CFAP36: variants seen among roughly 807,000 people sequenced by gnomAD.
CFAP36 encodes cilia- and flagella-associated protein 36.
Under a neutral mutation model 50.5 loss-of-function variants are expected in CFAP36, and 37 were observed. That is an observed-to-expected ratio of 0.73 (90% CI 0.56 to 0.96). The LOEUF (loss-of-function observed/expected upper bound fraction) is 0.96, where lower values mean the gene tolerates loss of function less well. Among genes scored for constraint, CFAP36 ranks in the 50% least tolerant of loss-of-function variants. The probability of loss-of-function intolerance (pLI) is 0.00; values close to 1 mark genes in which losing one functional copy is unlikely to be tolerated. For synonymous variants in CFAP36, 138 were observed against 128.2 expected (o/e 1.08, Z -0.52); for missense variants, 407 against 396.2 (o/e 1.03, Z -0.23).
intron 7 of CFAP36, among the ~76,000 whole-genome samples, chr2:55,538,506 C>T (rs551957162): frequency 1.3e-5 from 2 of 152,100 alleles, no homozygotes; most frequent in East Asian, 3.9e-4. Context: ...GTTGGTCAGG[C>T]TGGTCTCGAA....
At chr2:55,523,900 T>G in intron 3 of CFAP36, 78 bp downstream of exon 3, 2 of 858,768 alleles carry the variant, frequency 2.3e-6, no homozygotes, top group Non-Finnish European at 3.6e-6. Context: ...AATTTGAATG[T>G]TTGATTGACA....
chr2:55,544,736 C>T (rs1387687809), intron 9 of CFAP36, among the ~76,000 whole-genome samples, 171 bp from the exon 10 acceptor site: 1 of 152,114 alleles, frequency 6.6e-6, no homozygotes. Context: ...GAGGGGTTCT[C>T]CAAGAAGAGA....
At position 55,544,992 on chromosome 2, in the gene CFAP36, A is replaced by T. The variant is rs752098505; in HGVS notation, c.1013A>T (p.Glu338Val). ...RRLLAEKLKE[E>V]VINK Reference sequence around the variant, plus strand: ...TTGCTTGCAGAGAAACTCAAAGAAGAAGTTATTAATAAGTAATAATTAAGA... The same window carrying T: ...TTGCTTGCAGAGAAACTCAAAGAAGTAGTTATTAATAAGTAATAATTAAGA... Residue 338 changes from glutamate to valine, a missense_variant, in exon 10 of 10, where the codon GAA becomes GTA. By Grantham distance (121) the Glu-to-Val change is moderately radical (BLOSUM62 -2). Coordinates refer to ENST00000349456, the MANE Select transcript of CFAP36 (RefSeq NM_080667.7). 8 of 1,577,714 alleles carry T rather than the reference A, an allele frequency of 5.1e-6. No individual in the cohort carries two copies. The highest frequency in any genetic ancestry group is 2.2e-5 in the East Asian group (1 of 44,602).
At chr2:55,543,874 T>G (rs1403466033) in intron 7 of CFAP36, 64 bp from the exon 8 acceptor site, 3 of 1,471,056 alleles carry the variant, frequency 2.0e-6, no homozygotes, top group Non-Finnish European at 2.8e-6. Context: ...TCGGTAAACC[T>G]AGCCTAACAC....
intron 5 of CFAP36, among the ~76,000 whole-genome samples, chr2:55,534,869 T>C (rs1466125832): frequency 6.6e-6 from 1 of 152,156 alleles, no homozygotes; most frequent in Admixed American, 6.5e-5. Context: ...AGCTCCAGGA[T>C]GCAGTGCTTA....
intron 5 of CFAP36, 63 bp downstream of exon 5, chr2:55,534,023 CTT>C: frequency 1.1e-6 from 1 of 940,108 alleles, no homozygotes; most frequent in Non-Finnish European, 1.6e-6. Context: ...TGTACATATG[CTT>C]TTTGCCCAAC....
At chr2:55,522,232 T>C (rs1478529199) in intron 2 of CFAP36, 66 bp downstream of exon 2, 2 of 797,274 alleles carry the variant, frequency 2.5e-6, no homozygotes, top group South Asian at 2.0e-5. Flanking sequence ...CTTTTCTAAA[T>C]GAAGAAAAAT....
At chr2:55,530,176 C>T (rs1032176614) in intron 4 of CFAP36, among the ~76,000 whole-genome samples, 2 of 152,122 alleles carry the variant, frequency 1.3e-5, no homozygotes, top group South Asian at 2.1e-4. Context: ...GAATAAGTCT[C>T]ATGAGATCTG....
intron 5 of CFAP36, among the ~76,000 whole-genome samples, chr2:55,534,411 G>A (rs552976796): frequency 1.3e-5 from 2 of 152,314 alleles, no homozygotes; most frequent in East Asian, 3.9e-4. Flanking sequence ...TTCAAGGGAG[G>A]GATGACAGAG....
At position 55,535,828 on chromosome 2, in the gene CFAP36, A is replaced by G. The variant is rs1017817834; in HGVS notation, c.537+65A>G. On this transcript the variant is annotated intron_variant, in intron 6 of 9. Coordinates refer to ENST00000349456, the MANE Select transcript of CFAP36 (RefSeq NM_080667.7). ...TATCTCTTATTAAGTTTACACCTAG[A>G]TCTTACTATTAAAATTTATACTTAT... 6.0e-6 allele frequency: 9 copies of G among 1,500,126 alleles called. No homozygotes were observed. In the Admixed American group the frequency reaches 7.8e-5, roughly 13 times the overall value. 92.9% of individuals were successfully genotyped at this position (1,500,126 alleles called of 1,614,324 possible). A position where few individuals can be genotyped will look rare whatever the true frequency, so the allele number is the denominator to read the frequency against.
intron 2 of CFAP36, among the ~76,000 whole-genome samples, chr2:55,523,098 A>AT (rs1409596667): frequency 2.3e-5 from 1 of 44,028 alleles, no homozygotes; most frequent in East Asian, 2.6e-4. Flanking sequence ...ACTCTGTCTC[A>AT]AAAAAAAAAA....
chr2:55,521,295 A>C (rs563354952), intron 1 of CFAP36, among the ~76,000 whole-genome samples: 1 of 149,948 alleles, frequency 6.7e-6, no homozygotes, highest in East Asian at 2.0e-4. Context: ...TGTTTTATAC[A>C]TATGATCATT....
chr2:55,533,766 A>T, intron 4 of CFAP36, 107 bp from the exon 5 acceptor site: 1 of 482,448 alleles, frequency 2.1e-6, no homozygotes, highest in Non-Finnish European at 3.8e-6. Flanking sequence ...TTAGGATGTT[A>T]CAGTGATAGA....
rs1184541867 is a variant in CFAP36 at position 55,519,840 on chromosome 2, G to T, written c.39G>T (p.Val13=). Residue 13 remains valine, a synonymous_variant, in exon 1 of 10, where the codon GTG becomes GTT. Coordinates refer to ENST00000349456, the MANE Select transcript of CFAP36 (RefSeq NM_080667.7). ...AAGAAGACGAGGTGGAGTGGGTAGT[G>T]GAGAGCATCGCGGGGTTCCTGCGAG... is the stretch of plus-strand genomic sequence containing the variant. The part of the protein sequence containing the change: ...AEEEDEVEWV[V]ESIAGFLRGP... 6.2e-7 allele frequency: 1 copy of T among 1,614,244 alleles called. No individual in the cohort carries two copies. Among genetic ancestry groups the T allele is most frequent in the East Asian group, 2.2e-5 (1 of 44,878 alleles).
chr2:55,523,885 A>T, intron 3 of CFAP36, 63 bp downstream of exon 3: 1 of 1,010,482 alleles, frequency 9.9e-7, no homozygotes, highest in Non-Finnish European at 1.4e-6. Flanking sequence ...TTAAACACTC[A>T]CTTAAATTTG....
At chr2:55,533,992 C>A in intron 5 of CFAP36, 32 bp downstream of exon 5, 2 of 1,286,818 alleles carry the variant, frequency 1.6e-6, no homozygotes, top group South Asian at 1.2e-5. Flanking sequence ...TTAAATGAAT[C>A]ATTATTAATA....
At chr2:55,525,798 G>A (rs1323265640) in intron 3 of CFAP36, among the ~76,000 whole-genome samples, 1 of 152,042 alleles carries the variant, frequency 6.6e-6, no homozygotes, top group Non-Finnish European at 1.5e-5. Context: ...GCCCGGCTAA[G>A]TTTTTGTATT....
At position 55,537,548 on chromosome 2, in the gene CFAP36, C is replaced by T. The variant is rs1288786361; in HGVS notation, c.603C>T (p.Ser201=). Residue 201 remains serine (S), a synonymous_variant, in exon 7 of 10, where the codon TCC becomes TCT. Coordinates refer to ENST00000349456, the MANE Select transcript of CFAP36 (RefSeq NM_080667.7). ...HSSEAAIMNN[S]QGDGEHFAHP... is the part of the protein sequence containing the mutation. The stretch of plus-strand genomic sequence containing the variant: ...GTGAAGCTGCAATAATGAATAATTC[C>T]CAAGGGGATGGTGAACATTTTGCAC... 5 of 1,613,114 alleles carry T rather than the reference C, an allele frequency of 3.1e-6. No individual in the cohort carries two copies. The highest frequency in any genetic ancestry group is 4.2e-6 in the Non-Finnish European group (5 of 1,179,662).
In CFAP36 at chr2:55,528,978, T is replaced by C. The variant is rs1684282393; in HGVS notation, c.383T>C (p.Ile128Thr). The C allele has an allele frequency of 6.2e-7, 1 of 1,604,794 alleles. No individual in the cohort carries two copies. The highest frequency in any genetic ancestry group is 1.3e-5 in the African/African-American group (1 of 74,594). Residue 128 changes from isoleucine to threonine, a missense_variant, in exon 4 of 10, where the codon ATT becomes ACT. By Grantham distance (89) the Ile-to-Thr change is moderately conservative (BLOSUM62 -1). Coordinates refer to ENST00000349456, the MANE Select transcript of CFAP36 (RefSeq NM_080667.7). ...ATGCAGCTGCAAGCCATTCGAATAATTCAAGAGAGAAATGGTAAAATGTTG... is the reference window on the plus strand; with the variant it reads ...ATGCAGCTGCAAGCCATTCGAATAACTCAAGAGAGAAATGGTAAAATGTTG... ...IEMQLQAIRI[I>T]QERNGVLPDC...
Sources: gnomAD v4.1 joint callset for allele counts (sites outside exome capture counted in the v4.1 genomes callset) on GRCh38, gnomAD v4.1.1 for gene constraint, MANE v1.5 for transcripts, NCBI Gene and HGNC (gene_info 2026-07-23, HGNC 2026-07-21) for gene names.